Variants in RABGAP1L observed in about 807,000 individuals in gnomAD.
RABGAP1L encodes RAB GTPase activating protein 1 like, also known as rab GTPase-activating protein 1-like.
Under a neutral mutation model 137.7 loss-of-function variants are expected in RABGAP1L, and 63 were observed. That is an observed-to-expected ratio of 0.46 (90% CI 0.37 to 0.56). The LOEUF (loss-of-function observed/expected upper bound fraction) is 0.56, where lower values mean the gene tolerates loss of function less well. RABGAP1L is among the 20% of genes least tolerant of loss of function. The pLI, the probability that RABGAP1L is intolerant of heterozygous loss-of-function variation, is 0.00. For missense variants in RABGAP1L, 1,095 were observed against 1,244.0 expected, an observed-to-expected ratio of 0.88 and a Z score of 1.80; for synonymous variants, 431 against 433.7, an observed-to-expected ratio of 0.99 and a Z score of 0.08.
intron 19 of RABGAP1L, among the ~76,000 whole-genome samples, chr1:174,840,187 T>C (rs1203696389): frequency 6.6e-6 from 1 of 151,992 alleles, no homozygotes; most frequent in Non-Finnish European, 1.5e-5. Flanking sequence ...AGGAGGAGAA[T>C]TGGCAAAAAA....
chr1:174,924,405 A>AAAAAG (rs1553282231), intron 19 of RABGAP1L, among the ~76,000 whole-genome samples: 6 of 151,184 alleles, frequency 4.0e-5, no homozygotes, highest in South Asian at 2.1e-4. Context: ...AAAAAAAAAA[A>AAAAAG]AGAGAGAGAT....
intron 13 of RABGAP1L, among the ~76,000 whole-genome samples, chr1:174,619,822 C>T (rs1270426033): frequency 1.3e-5 from 2 of 152,146 alleles, no homozygotes; most frequent in Non-Finnish European, 2.9e-5. Flanking sequence ...AATAAATGCT[C>T]CAATTAAAAG....
chr1:174,219,381 C>T, intron 2 of RABGAP1L, 86 bp downstream of exon 2: 1 of 901,320 alleles, frequency 1.1e-6, no homozygotes, highest in Non-Finnish European at 1.5e-6. Context: ...AAAGGTTTTT[C>T]TCAAGTGCTG....
At chr1:174,516,663 T>G (rs138643004) in intron 13 of RABGAP1L, among the ~76,000 whole-genome samples, 105 of 152,334 alleles carry the variant, frequency 6.9e-4, no homozygotes, top group Non-Finnish European at 1.1e-3. Context: ...TGCCAAGCAC[T>G]GTGATACATA....
chr1:174,968,755 T>A (rs1669877915), intron 20 of RABGAP1L, among the ~76,000 whole-genome samples: 2 of 152,192 alleles, frequency 1.3e-5, no homozygotes, highest in Admixed American at 1.3e-4. Context: ...TGTCAGCTGT[T>A]AGCAAAGTCA....
chr1:174,567,288 C>T (rs1667649942), intron 13 of RABGAP1L, among the ~76,000 whole-genome samples: 1 of 152,114 alleles, frequency 6.6e-6, no homozygotes, highest in Non-Finnish European at 1.5e-5. Context: ...CCTTCTATAT[C>T]TGCCTTATTT....
intron 13 of RABGAP1L, among the ~76,000 whole-genome samples, chr1:174,440,794 T>C (rs1281672207): frequency 6.6e-6 from 1 of 152,072 alleles, no homozygotes; most frequent in Non-Finnish European, 1.5e-5. Context: ...TGACCTCAAG[T>C]TGATCTGCCC....
chr1:174,271,831 ATATAATATC>A (rs1259603655), intron 7 of RABGAP1L, among the ~76,000 whole-genome samples: 7 of 152,032 alleles, frequency 4.6e-5, no homozygotes, highest in Non-Finnish European at 8.8e-5. Context: ...AATATGTTGG[ATATAATATC>A]TTCACTAATA....
At chr1:174,442,072 T>TA (rs1307629837) in intron 13 of RABGAP1L, among the ~76,000 whole-genome samples, 1 of 152,090 alleles carries the variant, frequency 6.6e-6, no homozygotes, top group African/African-American at 2.4e-5. Context: ...TTCCTAATTT[T>TA]ATAAATATTA....
intron 7 of RABGAP1L, among the ~76,000 whole-genome samples, chr1:174,255,668 G>A (rs1242348658): frequency 6.6e-6 from 1 of 152,190 alleles, no homozygotes; most frequent in Non-Finnish European, 1.5e-5. Context: ...GAGATTACAG[G>A]TGTGCCCTAC....
chr1:174,720,609 C>T (rs893392512), intron 17 of RABGAP1L, among the ~76,000 whole-genome samples: 3 of 152,210 alleles, frequency 2.0e-5, no homozygotes, highest in Admixed American at 1.3e-4. Context: ...AGCCACCGGT[C>T]CCGGCTGGTA....
chr1:174,618,401 C>T (rs532689889), intron 13 of RABGAP1L, among the ~76,000 whole-genome samples: 1 of 152,302 alleles, frequency 6.6e-6, no homozygotes, highest in South Asian at 2.1e-4. Context: ...GCAGTAGGGG[C>T]AGACTGACAT....
At chr1:174,196,135 T>C (rs895617889) in intron 1 of RABGAP1L, among the ~76,000 whole-genome samples, 1 of 151,718 alleles carries the variant, frequency 6.6e-6, no homozygotes, top group Non-Finnish European at 1.5e-5. Flanking sequence ...CTTTTTATTT[T>C]CTTCTTGTGG....
intron 19 of RABGAP1L, among the ~76,000 whole-genome samples, chr1:174,881,738 G>A (rs1240769926): frequency 6.6e-6 from 1 of 151,794 alleles, no homozygotes; most frequent in Non-Finnish European, 1.5e-5. Flanking sequence ...GACCTCAAGT[G>A]ACCCGCCCGC....
chr1:174,545,072 A>ATC (rs1665882747), intron 13 of RABGAP1L: 1 of 152,620 alleles, frequency 6.6e-6, no homozygotes. Context: ...TTGAGGAGGC[A>ATC]GTCTGTCCAT....
At chr1:174,616,233 G>T (rs1413305724) in intron 13 of RABGAP1L, among the ~76,000 whole-genome samples, 1 of 152,146 alleles carries the variant, frequency 6.6e-6, no homozygotes, top group African/African-American at 2.4e-5. Context: ...CCCCCCGTTG[G>T]TATGCGGTTT....
At chr1:174,656,328 G>A (rs1675970372) in intron 14 of RABGAP1L, among the ~76,000 whole-genome samples, 1 of 152,072 alleles carries the variant, frequency 6.6e-6, no homozygotes, top group Non-Finnish European at 1.5e-5. Flanking sequence ...CATAGTGGTG[G>A]GTGCCTGTAA....
At chr1:174,967,817 C>A (rs1669772284) in intron 20 of RABGAP1L, among the ~76,000 whole-genome samples, 1 of 150,672 alleles carries the variant, frequency 6.6e-6, no homozygotes, top group Admixed American at 6.6e-5. Flanking sequence ...GAGTAGAATT[C>A]TATTGTGAAT....
intron 19 of RABGAP1L, among the ~76,000 whole-genome samples, chr1:174,854,347 G>A (rs1328186747): frequency 1.3e-5 from 2 of 152,134 alleles, no homozygotes; most frequent in Non-Finnish European, 2.9e-5. Context: ...CATAGGTGTT[G>A]AGGCTAGAGA....
Sources: allele counts gnomAD v4.1 joint callset (sites outside exome capture counted in the v4.1 genomes callset), GRCh38; gene constraint gnomAD v4.1.1; transcripts MANE v1.5; gene names NCBI Gene and HGNC (gene_info 2026-07-23, HGNC 2026-07-21).